The following ZFYVE27 variants were observed in gnomAD, a reference collection of about 807,000 sequenced individuals.
The protein encoded by ZFYVE27 is protrudin.
A neutral mutation model predicts 52.8 loss-of-function variants in ZFYVE27; 36 were observed. That is an observed-to-expected ratio of 0.68 (90% confidence interval 0.52 to 0.90). ZFYVE27 has a LOEUF of 0.90. Ranked by LOEUF, ZFYVE27 falls within the 40% of genes least tolerant of loss-of-function variation. ZFYVE27 has a pLI of 0.00. For missense variants in ZFYVE27, 450 were observed against 527.2 expected, an observed-to-expected ratio of 0.85 and a Z score of 1.43; for synonymous variants, 223 against 215.6, an observed-to-expected ratio of 1.03 and a Z score of -0.30.
intron 4 of ZFYVE27, among the ~76,000 whole-genome samples, chr10:97,747,778 C>T (rs2136131503): frequency 6.6e-6 from 1 of 152,228 alleles, no homozygotes. Flanking sequence ...CCTGGTTTCC[C>T]TTCAGAAACC....
intron 4 of ZFYVE27, among the ~76,000 whole-genome samples, chr10:97,746,051 ATTTTT>A (rs71488840): frequency 1.7e-4 from 11 of 64,168 alleles, no homozygotes; most frequent in African/African-American, 3.5e-4. Context: ...ATATATATAT[ATTTTT>A]TTTTTTTTTT....
At chr10:97,752,383 T>A (rs1317108018) in intron 8 of ZFYVE27, among the ~76,000 whole-genome samples, 2 of 152,194 alleles carry the variant, frequency 1.3e-5, no homozygotes, top group Non-Finnish European at 1.5e-5. Flanking sequence ...GCTAAAAGAT[T>A]GCTCCAAAAC....
At chr10:97,753,382 G>C (rs2047507803) in intron 10 of ZFYVE27, among the ~76,000 whole-genome samples, 200 bp downstream of exon 10, 1 of 152,142 alleles carries the variant, frequency 6.6e-6, no homozygotes, top group African/African-American at 2.4e-5. Context: ...AGTGGGTGTG[G>C]GTTCCTTCTT....
intron 2 of ZFYVE27, among the ~76,000 whole-genome samples, chr10:97,740,485 G>T (rs958766814): frequency 2.6e-5 from 4 of 152,238 alleles, no homozygotes; most frequent in Non-Finnish European, 4.4e-5. Flanking sequence ...GTATGTGTGT[G>T]TTGCTCTTTG....
chr10:97,757,316 GTGTC>G lies in ZFYVE27; in HGVS notation c.1089+9_1089+12del, dbSNP rs763425505. The stretch of plus-strand genomic sequence containing the variant: ...TTCTCAGTGCTGAAGAAGAGGGTGA[GTGTC>G]TGTGAGGGTGCATTTGTTGGGGACA... On this transcript the variant is annotated splice_donor_region_variant and intron_variant, in intron 11 of 12. Coordinates refer to ENST00000684270, the MANE Select transcript of ZFYVE27 (RefSeq NM_001385875.1). 2.5e-6 allele frequency: 4 copies of G among 1,614,066 alleles called. No individual in the cohort carries two copies. The highest frequency in any genetic ancestry group is 2.2e-5 in the East Asian group (1 of 44,888).
chr10:97,754,783 C>G (rs2047931687), intron 10 of ZFYVE27: 1 of 1,289,350 alleles, frequency 7.8e-7, no homozygotes, highest in Non-Finnish European at 1.0e-6. Flanking sequence ...CCAGCAGTGC[C>G]CGGTAACACT....
At chr10:97,742,885 C>T (rs573652770) in intron 2 of ZFYVE27, among the ~76,000 whole-genome samples, 2 of 152,312 alleles carry the variant, frequency 1.3e-5, no homozygotes, top group South Asian at 4.1e-4. Flanking sequence ...TACAGACCTA[C>T]CAGTTTCCTC....
rs572190047 is a variant in ZFYVE27 at position 97,747,777 on chromosome 10, C to T, written c.456-492C>T. 5.9e-5 allele frequency among the ~76,000 whole-genome samples: 9 copies of T among 152,178 alleles called. No individual in the cohort carries two copies. In the South Asian group the frequency reaches 1.9e-3, roughly 32 times the overall value. ...GCTTATCTCCATGTTTCCTGGTTTCCCTTCAGAAACCCAGATCTGGGTTCA... is the reference window on the plus strand; with the variant it reads ...GCTTATCTCCATGTTTCCTGGTTTCTCTTCAGAAACCCAGATCTGGGTTCA... On this transcript the variant is annotated intron_variant, in intron 4 of 12. Coordinates refer to ENST00000684270, the MANE Select transcript of ZFYVE27 (RefSeq NM_001385875.1).
intron 2 of ZFYVE27, 97 bp from the exon 3 acceptor site, chr10:97,742,994 GCCT>G (rs924840227): frequency 2.6e-5 from 33 of 1,279,020 alleles, no homozygotes; most frequent in Non-Finnish European, 3.4e-5. Context: ...TGTGTTCCAG[GCCT>G]CCTCTTCTGG....
rs753246302 is a variant in ZFYVE27, at chr10:97,750,383, A to G, written c.717A>G (p.Glu239=). 1.2e-4 allele frequency: 189 copies of G among 1,614,030 alleles called. No individual in the cohort carries two copies. The highest frequency in any genetic ancestry group is 8.2e-4 in the Middle Eastern group (5 of 6,084). ...AGCAGAGGATGAACCCAAAGCAGGA[A>G]GAGCATGCCTTTGAGAGTCCTCCAC... is the stretch of plus-strand genomic sequence containing the variant. The part of the protein sequence containing the change: ...SLQQRMNPKQ[E]EHAFESPPPP... Residue 239 remains glutamate (E), a synonymous_variant, in exon 7 of 13, where the codon GAA becomes GAG. Transcript: ENST00000684270.
Position 97,756,944 on chromosome 10 carries a change from A to G in ZFYVE27, c.1043-321A>G, listed in dbSNP as rs2048491386. Reference sequence around the variant, plus strand: ...GGATGCCTGTGGTCAGGTCCCTGCCAGCTTAGCTGGCTTTCTTGGAGTGGA... The same window carrying G: ...GGATGCCTGTGGTCAGGTCCCTGCCGGCTTAGCTGGCTTTCTTGGAGTGGA... On this transcript the variant is annotated intron_variant, in intron 10 of 12. Coordinates refer to ENST00000684270, the MANE Select transcript of ZFYVE27 (RefSeq NM_001385875.1). Among the ~76,000 whole-genome samples the G allele has an allele frequency of 2.0e-5, 3 of 152,332 alleles. 1 individual carries two copies. The highest frequency in any genetic ancestry group is 1.5e-5 in the Non-Finnish European group (1 of 68,026).
In ZFYVE27 at chr10:97,759,358, A is replaced by T. The variant is rs1178938742; in HGVS notation, c.*58A>T. The T allele has an allele frequency of 2.0e-5, 32 of 1,578,878 alleles. No homozygotes were observed. Among genetic ancestry groups the T allele is most frequent in the Non-Finnish European group, 2.6e-5 (30 of 1,149,170 alleles). The stretch of plus-strand genomic sequence containing the variant: ...CCTTGGGACCAGCAGTAGACCCCCC[A>T]CTCTCCCCACCCCTGGCCCACTGTG... On this transcript the variant is annotated 3_prime_UTR_variant, in exon 13 of 13. Transcript: ENST00000684270.
Position 97,757,624 on chromosome 10 carries a change from C to T in ZFYVE27, c.1090-18C>T, listed in dbSNP as rs1307652501. 1 of 1,613,912 alleles carries T rather than the reference C, an allele frequency of 6.2e-7. No homozygotes were observed. The highest frequency in any genetic ancestry group is 8.5e-7 in the Non-Finnish European group (1 of 1,179,748). ...CCTGAGGGTGAGGGACACATCTGAC[C>T]TTGGCTCTTGTCTGCAGCGGAGCTG... On this transcript the variant is annotated intron_variant, in intron 11 of 12. Coordinates refer to ENST00000684270, the MANE Select transcript of ZFYVE27 (RefSeq NM_001385875.1).
At chr10:97,751,575 T>G in intron 8 of ZFYVE27, 113 bp downstream of exon 8, 6 of 1,044,698 alleles carry the variant, frequency 5.7e-6, no homozygotes, top group Non-Finnish European at 8.7e-6. Context: ...AAACTTGCTG[T>G]GAGCTAGAAC....
chr10:97,752,097 C>G (rs900998886), intron 8 of ZFYVE27, among the ~76,000 whole-genome samples: 1 of 152,136 alleles, frequency 6.6e-6, no homozygotes, highest in East Asian at 1.9e-4. Context: ...AGCTGCTGTC[C>G]CCTTTACGCA....
chr10:97,754,786 G>T, intron 10 of ZFYVE27: 5 of 1,289,390 alleles, frequency 3.9e-6, no homozygotes, highest in Non-Finnish European at 5.1e-6. Flanking sequence ...GCAGTGCCCG[G>T]TAACACTACA....
chr10:97,744,256 C>T (rs1045095077), intron 3 of ZFYVE27, among the ~76,000 whole-genome samples: 2 of 152,216 alleles, frequency 1.3e-5, no homozygotes, highest in South Asian at 2.1e-4. Context: ...AATTTTATCT[C>T]GGCTTCGCCA....
intron 8 of ZFYVE27, 37 bp downstream of exon 8, chr10:97,751,499 G>A: frequency 6.2e-7 from 1 of 1,605,232 alleles, no homozygotes; most frequent in South Asian, 1.1e-5. Context: ...TACTCAGCAG[G>A]CCAGAAATTG....
intron 8 of ZFYVE27, 116 bp from the exon 9 acceptor site, chr10:97,752,741 C>A: frequency 8.3e-7 from 1 of 1,198,852 alleles, no homozygotes; most frequent in Non-Finnish European, 1.2e-6. Context: ...GTGCGCAGAG[C>A]TCAGAGCAGC....
Sources: gnomAD v4.1 joint callset for allele counts (sites outside exome capture counted in the v4.1 genomes callset) on GRCh38, gnomAD v4.1.1 for gene constraint, MANE v1.5 for transcripts, NCBI Gene and HGNC (gene_info 2026-07-23, HGNC 2026-07-21) for gene names.